CCBE1: variants seen among roughly 807,000 people sequenced by gnomAD.
The protein encoded by CCBE1 is collagen and calcium binding EGF domains 1.
In CCBE1, 37 loss-of-function variants were observed where a neutral mutation model predicts 50.0. The ratio of observed to expected loss-of-function variants is 0.74; its 90% CI spans 0.57 to 0.97. The LOEUF (loss-of-function observed/expected upper bound fraction) is 0.97. Among genes scored for constraint, CCBE1 ranks in the 50% least tolerant of loss-of-function variants. CCBE1 has a pLI of 0.00. For missense variants in CCBE1, 538 were observed against 523.8 expected (o/e 1.03, Z -0.26); for synonymous variants, 234 against 203.7 (o/e 1.15, Z -1.27).
At chr18:59,580,479 G>C (rs561826839) in intron 2 of CCBE1, among the ~76,000 whole-genome samples, 5 of 152,212 alleles carry the variant, frequency 3.3e-5, no homozygotes, top group Non-Finnish European at 7.3e-5. Flanking sequence ...GATGTGTCAT[G>C]GGCATGAGTC....
At chr18:59,635,624 G>T (rs1359269284) in intron 2 of CCBE1, among the ~76,000 whole-genome samples, 2 of 151,972 alleles carry the variant, frequency 1.3e-5, no homozygotes, top group East Asian at 3.9e-4. Context: ...AAGAGAAGAA[G>T]ATATTTGTGA....
At chr18:59,542,268 A>G (rs1598994754) in intron 2 of CCBE1, among the ~76,000 whole-genome samples, 1 of 45,290 alleles carries the variant, frequency 2.2e-5, no homozygotes, top group South Asian at 4.2e-4. Flanking sequence ...AGAGATATTC[A>G]GGTAGAAATC....
intron 2 of CCBE1, among the ~76,000 whole-genome samples, chr18:59,653,346 C>T (rs1023105959): frequency 7.2e-5 from 11 of 152,300 alleles, no homozygotes; most frequent in African/African-American, 2.2e-4. Flanking sequence ...ATTGTTCATA[C>T]CCAGGTTAAG....
intron 2 of CCBE1, among the ~76,000 whole-genome samples, chr18:59,627,457 CAT>C (rs2053800265): frequency 6.6e-6 from 1 of 152,198 alleles, no homozygotes; most frequent in Non-Finnish European, 1.5e-5. Context: ...CCCAAAAAGA[CAT>C]ATCCAAGTCC....
chr18:59,657,729 G>GA (rs764882339), intron 2 of CCBE1, among the ~76,000 whole-genome samples: 10 of 152,018 alleles, frequency 6.6e-5, no homozygotes, highest in East Asian at 1.9e-4. Flanking sequence ...CGTCTCTACT[G>GA]AAAAAACAAA....
intron 2 of CCBE1, among the ~76,000 whole-genome samples, chr18:59,484,182 A>T (rs977875352): frequency 2.6e-5 from 4 of 152,168 alleles, no homozygotes; most frequent in African/African-American, 9.7e-5. Flanking sequence ...ATTCACTAAA[A>T]TTTTACGGTT....
intron 2 of CCBE1, among the ~76,000 whole-genome samples, chr18:59,678,978 TA>T (rs1472744426): frequency 6.6e-6 from 1 of 152,206 alleles, no homozygotes; most frequent in African/African-American, 2.4e-5. Context: ...CATATAAAAA[TA>T]AATAAAATGT....
intron 2 of CCBE1, among the ~76,000 whole-genome samples, chr18:59,583,103 G>A (rs890080412): frequency 8.5e-5 from 13 of 152,226 alleles, no homozygotes; most frequent in Non-Finnish European, 1.6e-4. Flanking sequence ...ATAGCCATGA[G>A]CTAATGTGCT....
At chr18:59,529,600 G>C (rs980461190) in intron 2 of CCBE1, among the ~76,000 whole-genome samples, 2 of 152,182 alleles carry the variant, frequency 1.3e-5, no homozygotes, top group African/African-American at 4.8e-5. Context: ...TGGGGGTGGG[G>C]TGGGAGCTCC....
At chr18:59,626,259 A>T (rs2053783387) in intron 2 of CCBE1, among the ~76,000 whole-genome samples, 1 of 152,156 alleles carries the variant, frequency 6.6e-6, no homozygotes, top group Admixed American at 6.5e-5. Flanking sequence ...TATTTATGGA[A>T]CCCCACAGTA....
chr18:59,658,917 A>G (rs886453555), intron 2 of CCBE1, among the ~76,000 whole-genome samples: 1 of 149,928 alleles, frequency 6.7e-6, no homozygotes, highest in African/African-American at 2.4e-5. Context: ...CTGTTACCAG[A>G]TATAATCTTT....
chr18:59,472,184 C>T (rs584319), intron 3 of CCBE1, among the ~76,000 whole-genome samples: 73,913 of 152,016 alleles, frequency 0.49, 18,777 homozygotes, highest in East Asian at 0.77. Context: ...GGCTTGCTAG[C>T]CAGTACCTCT....
intron 2 of CCBE1, among the ~76,000 whole-genome samples, chr18:59,545,563 G>A (rs946280417): frequency 2.6e-5 from 4 of 152,056 alleles, no homozygotes; most frequent in Admixed American, 6.5e-5. Context: ...TCCCTGACTC[G>A]TGGACTTTCA....
chr18:59,684,123 G>T (rs2054627438), intron 2 of CCBE1, among the ~76,000 whole-genome samples: 1 of 152,144 alleles, frequency 6.6e-6, no homozygotes, highest in Admixed American at 6.5e-5. Flanking sequence ...CAAAGCAGTG[G>T]GGGTGGTGGA....
At chr18:59,510,229 T>C (rs1170372763) in intron 2 of CCBE1, among the ~76,000 whole-genome samples, 6 of 152,310 alleles carry the variant, frequency 3.9e-5, no homozygotes, top group African/African-American at 1.4e-4. Flanking sequence ...GCTGGGGCCA[T>C]TAGCCATATT....
intron 2 of CCBE1, among the ~76,000 whole-genome samples, chr18:59,675,905 G>T (rs1403266313): frequency 6.6e-6 from 1 of 152,144 alleles, no homozygotes; most frequent in Non-Finnish European, 1.5e-5. Flanking sequence ...AAAGTAAATG[G>T]TGCAATGTTA....
intron 7 of CCBE1, among the ~76,000 whole-genome samples, chr18:59,442,404 T>C (rs7230278): frequency 0.81 from 123,966 of 152,178 alleles, 50,570 homozygotes; most frequent in South Asian, 0.88. Context: ...TCTGTTTATG[T>C]GTATCATTTT....
chr18:59,435,982 G>A lies in CCBE1; in HGVS notation c.1147C>T (p.Leu383=), dbSNP rs761046833. ...EFPSYPEAMD[L]GSGDDHPRRT... ...CTTGGATGGTCATCTCCAGAGCCCA[G>A]GTCCATGGCTTCTGGGTAGCTGGGA... The change falls in exon 11 of 11, where the codon CTG becomes TTG. Residue 383 remains leucine, a synonymous_variant. Coordinates refer to ENST00000439986, the MANE Select transcript of CCBE1 (RefSeq NM_133459.4). 5 of 1,614,162 alleles carry A rather than the reference G, an allele frequency of 3.1e-6. No homozygotes were observed. The highest frequency in any genetic ancestry group is 4.2e-6 in the Non-Finnish European group (5 of 1,180,018).
At chr18:59,437,732 G>A (rs554035776) in intron 10 of CCBE1, among the ~76,000 whole-genome samples, 1 of 152,302 alleles carries the variant, frequency 6.6e-6, no homozygotes, top group Admixed American at 6.5e-5. Flanking sequence ...TAGGGTTGCA[G>A]CAGTGGCTAA....
Sources: allele counts gnomAD v4.1 joint callset (sites outside exome capture counted in the v4.1 genomes callset), GRCh38; gene constraint gnomAD v4.1.1; transcripts MANE v1.5; gene names NCBI Gene and HGNC (gene_info 2026-07-23, HGNC 2026-07-21).